The following BTRC variants were observed in gnomAD, a reference collection of about 807,000 sequenced individuals.
The protein encoded by BTRC is beta-transducin repeat containing E3 ubiquitin protein ligase, also known as F-box/WD repeat-containing protein 1A.
In BTRC, 42 loss-of-function variants were observed where a neutral mutation model predicts 85.5. The observed-to-expected ratio is 0.49, with a 90% CI of 0.38 to 0.64. The LOEUF is 0.64. BTRC is among the 30% of genes least tolerant of loss of function. The pLI, the probability that BTRC is intolerant of heterozygous loss-of-function variation, is 0.00. For synonymous variants in BTRC, 255 were observed against 263.3 expected (o/e 0.97, Z 0.30); for missense variants, 594 against 743.5 (o/e 0.80, Z 2.34).
rs559357303 is a variant in BTRC, at chr10:101,447,628, C to T, written c.157-14353C>T. ...TGTAGTGGTATTTTCCATTCCATAACGCAACAAGTGCTATTGATGATAGCT... is the reference window on the plus strand; with the variant it reads ...TGTAGTGGTATTTTCCATTCCATAATGCAACAAGTGCTATTGATGATAGCT... On this transcript the variant is annotated intron_variant, in intron 2 of 14. Transcript: ENST00000370187. Among the ~76,000 whole-genome samples, 69 of 152,078 alleles carry T rather than the reference C, an allele frequency of 4.5e-4. 1 individual carries two copies. Among genetic ancestry groups the T allele is most frequent in the Non-Finnish European group, 7.8e-4 (53 of 67,962 alleles).
At chr10:101,468,842 T>TAAA (rs1172312498) in intron 3 of BTRC, among the ~76,000 whole-genome samples, 2 of 152,218 alleles carry the variant, frequency 1.3e-5, no homozygotes, top group Non-Finnish European at 2.9e-5. Flanking sequence ...TCCCTTTTAG[T>TAAA]GTGTTATATG....
chr10:101,525,464 CCATT>C (rs530326709), intron 5 of BTRC, among the ~76,000 whole-genome samples: 32 of 152,256 alleles, frequency 2.1e-4, no homozygotes, highest in African/African-American at 6.7e-4. Context: ...TATTTCCATG[CCATT>C]CTGTATTTCC....
At chr10:101,527,598 C>CA (rs2062211408) in intron 6 of BTRC, among the ~76,000 whole-genome samples, 1 of 151,932 alleles carries the variant, frequency 6.6e-6, no homozygotes, top group African/African-American at 2.4e-5. Context: ...ACAAAAAAAT[C>CA]AAAAAATTAG....
chr10:101,504,454 C>A (rs1946467892), intron 4 of BTRC, among the ~76,000 whole-genome samples: 1 of 151,868 alleles, frequency 6.6e-6, no homozygotes, highest in Non-Finnish European at 1.5e-5. Flanking sequence ...TCCATCTCTT[C>A]CCCAGCTCAT....
chr10:101,407,796 C>T (rs1943668559), intron 1 of BTRC, among the ~76,000 whole-genome samples: 1 of 150,946 alleles, frequency 6.6e-6, no homozygotes, highest in South Asian at 2.1e-4. Flanking sequence ...AATCTCGGCT[C>T]ATTGCAACCT....
chr10:101,416,546 AGTTGTTGTTGTTGTTATT>A (rs1335834266), intron 1 of BTRC, among the ~76,000 whole-genome samples: 2 of 151,840 alleles, frequency 1.3e-5, no homozygotes, highest in African/African-American at 4.8e-5. Context: ...TGAAAGCCTG[AGTTGTTGTTGTTGTTATT>A]GTTGTTGTTG....
intron 1 of BTRC, among the ~76,000 whole-genome samples, chr10:101,394,552 A>G (rs905025722): frequency 1.4e-4 from 21 of 152,184 alleles, no homozygotes; most frequent in Admixed American, 3.9e-4. Flanking sequence ...CCGCTTCCCT[A>G]CTCCACAAAA....
intron 2 of BTRC, among the ~76,000 whole-genome samples, chr10:101,454,398 A>G (rs1221446830): frequency 6.6e-6 from 1 of 152,234 alleles, no homozygotes; most frequent in Non-Finnish European, 1.5e-5. Context: ...AGAAGATGAC[A>G]GTTAAACCTC....
intron 13 of BTRC, among the ~76,000 whole-genome samples, chr10:101,547,941 A>G (rs1023709552): frequency 2.0e-5 from 3 of 152,212 alleles, no homozygotes; most frequent in African/African-American, 7.2e-5. Flanking sequence ...AAAGCATTTG[A>G]CAAAATCCAA....
chr10:101,382,043 C>T (rs1326355282), intron 1 of BTRC, among the ~76,000 whole-genome samples: 1 of 118,624 alleles, frequency 8.4e-6, no homozygotes, highest in East Asian at 3.0e-4. Context: ...AGTGCAGTGG[C>T]GTGATCTCAG....
chr10:101,389,610 CTTTTTTT>C (rs34480405), intron 1 of BTRC, among the ~76,000 whole-genome samples: 9 of 62,520 alleles, frequency 1.4e-4, no homozygotes, highest in African/African-American at 3.3e-4. Flanking sequence ...TGCCAAACAC[CTTTTTTT>C]TTTTTTTTTT....
intron 4 of BTRC, among the ~76,000 whole-genome samples, chr10:101,493,905 A>G (rs1447593986): frequency 6.6e-6 from 1 of 152,196 alleles, no homozygotes; most frequent in Non-Finnish European, 1.5e-5. Flanking sequence ...TGGATGCCAC[A>G]AAAGAGAGTG....
rs55774098 is a variant in BTRC, at chr10:101,415,492, TTATG to T, written c.49-14851_49-14848del. ...TTATTTTATTTTATTTTATTTTATG[TTATG>T]TTATGTTATGTTATGTTATGTTATG... On this transcript the variant is annotated intron_variant, in intron 1 of 14. Coordinates refer to ENST00000370187, the MANE Select transcript of BTRC (RefSeq NM_033637.4). 4.5e-5 allele frequency among the ~76,000 whole-genome samples: 5 copies of T among 111,162 alleles called. 1 individual carries two copies. Among genetic ancestry groups the T allele is most frequent in the African/African-American group, 2.3e-4 (5 of 21,462 alleles). The allele number at this position is 111,162 out of a possible 152,430, so 72.9% of individuals were successfully genotyped here.
intron 1 of BTRC, among the ~76,000 whole-genome samples, chr10:101,415,044 T>C (rs1030470172): frequency 6.6e-6 from 1 of 152,014 alleles, no homozygotes; most frequent in Admixed American, 6.6e-5. Context: ...CATTATAAAG[T>C]CTATAGTAGT....
intron 4 of BTRC, among the ~76,000 whole-genome samples, chr10:101,482,305 G>A (rs1330682443): frequency 6.6e-6 from 1 of 152,028 alleles, no homozygotes; most frequent in East Asian, 1.9e-4. Context: ...ACAGGTGTGA[G>A]CCACTGTGCC....
chr10:101,499,619 C>T (rs2134286228), intron 4 of BTRC, among the ~76,000 whole-genome samples: 1 of 151,894 alleles, frequency 6.6e-6, no homozygotes, highest in African/African-American at 2.4e-5. Flanking sequence ...AGAATATACC[C>T]TCCAAAATGT....
At chr10:101,449,918 A>G (rs1366276041) in intron 2 of BTRC, among the ~76,000 whole-genome samples, 1 of 151,364 alleles carries the variant, frequency 6.6e-6, no homozygotes, top group Non-Finnish European at 1.5e-5. Context: ...CCTGTTTGGG[A>G]TTTTAAAATA....
intron 4 of BTRC, among the ~76,000 whole-genome samples, chr10:101,497,741 G>A (rs553345899): frequency 6.6e-6 from 1 of 152,130 alleles, no homozygotes; most frequent in South Asian, 2.1e-4. Flanking sequence ...AACGAAGTTG[G>A]CTGGGCGTGA....
chr10:101,401,220 T>A (rs1943484958), intron 1 of BTRC, among the ~76,000 whole-genome samples: 1 of 152,210 alleles, frequency 6.6e-6, no homozygotes, highest in Admixed American at 6.5e-5. Flanking sequence ...GTATAGGTGA[T>A]TGAGTTTGTA....
Sources: gnomAD v4.1 joint callset for allele counts (sites outside exome capture counted in the v4.1 genomes callset) on GRCh38, gnomAD v4.1.1 for gene constraint, MANE v1.5 for transcripts, NCBI Gene and HGNC (gene_info 2026-07-23, HGNC 2026-07-21) for gene names.